Variants in PLA2G5 observed in about 807,000 individuals in gnomAD.
PLA2G5 encodes phospholipase A2 group V.
PLA2G5 carries 12 observed loss-of-function variants against 15.9 expected under a neutral mutation model. The observed-to-expected ratio is 0.76, with a 90% CI of 0.48 to 1.23. PLA2G5 has a LOEUF of 1.23. PLA2G5 is among the 50% of genes most tolerant of loss of function. The pLI, the probability that PLA2G5 is intolerant of heterozygous loss-of-function variation, is 0.00. For synonymous variants in PLA2G5, 71 were observed against 71.4 expected, an observed-to-expected ratio of 0.99 and a Z score of 0.03; for missense variants, 169 against 177.1, an observed-to-expected ratio of 0.95 and a Z score of 0.26.
At chr1:20,056,593 T>G (rs992506473) in intron 1 of PLA2G5, among the ~76,000 whole-genome samples, 2 of 152,194 alleles carry the variant, frequency 1.3e-5, no homozygotes, top group African/African-American at 2.4e-5. Flanking sequence ...TAATTCTTTT[T>G]GGGCATTATT....
intron 1 of PLA2G5, among the ~76,000 whole-genome samples, chr1:20,084,012 T>C (rs1335604182): frequency 1.3e-5 from 2 of 151,930 alleles, no homozygotes. Flanking sequence ...ATAATGAATA[T>C]ATAATAATAA....
chr1:20,033,312 G>T (rs943010318), intron 1 of PLA2G5, among the ~76,000 whole-genome samples: 1 of 152,214 alleles, frequency 6.6e-6, no homozygotes, highest in Non-Finnish European at 1.5e-5. Flanking sequence ...GGAAGTGGGA[G>T]GAGAGGGAGT....
chr1:20,081,323 T>C (rs940983776), intron 1 of PLA2G5, among the ~76,000 whole-genome samples: 1 of 151,778 alleles, frequency 6.6e-6, no homozygotes, highest in Non-Finnish European at 1.5e-5. Flanking sequence ...ACCTCCACCA[T>C]GAAACTGCTT....
intron 3 of PLA2G5, among the ~76,000 whole-genome samples, chr1:20,087,616 A>C (rs2016359857): frequency 6.6e-6 from 1 of 152,134 alleles, no homozygotes; most frequent in African/African-American, 2.4e-5. Flanking sequence ...TCTCAGTAGC[A>C]ACAAGCACAC....
chr1:20,040,472 G>T (rs1217659451), intron 1 of PLA2G5, among the ~76,000 whole-genome samples: 3 of 151,912 alleles, frequency 2.0e-5, no homozygotes, highest in Non-Finnish European at 4.4e-5. Context: ...GAGATGTCAT[G>T]GTTCTTTTCT....
At chr1:20,063,194 A>G (rs540403863) in intron 2 of PLA2G5, among the ~76,000 whole-genome samples, 1 of 152,230 alleles carries the variant, frequency 6.6e-6, no homozygotes, top group East Asian at 1.9e-4. Context: ...CCACCTCCCT[A>G]AAAAAATAAA....
At chr1:20,089,143 C>G (rs1009459745) in intron 3 of PLA2G5, among the ~76,000 whole-genome samples, 1 of 152,150 alleles carries the variant, frequency 6.6e-6, no homozygotes, top group African/African-American at 2.4e-5. Context: ...TTTATCGTAG[C>G]TGATGCAACG....
chr1:20,054,844 G>C (rs1181237183), intron 1 of PLA2G5: 1 of 152,148 alleles, frequency 6.6e-6, no homozygotes, highest in African/African-American at 2.4e-5. Flanking sequence ...CAAAAGGTAA[G>C]TGCATACGTA....
chr1:20,044,472 C>T (rs1252576196), intron 1 of PLA2G5, among the ~76,000 whole-genome samples: 1 of 152,136 alleles, frequency 6.6e-6, no homozygotes. Flanking sequence ...GCCTTCTGGT[C>T]CCTCTGGGTC....
intron 2 of PLA2G5, among the ~76,000 whole-genome samples, chr1:20,064,391 T>C (rs2014905472): frequency 6.6e-6 from 1 of 151,674 alleles, no homozygotes; most frequent in African/African-American, 2.4e-5. Flanking sequence ...CTGACCAACA[T>C]GGTGAAATCC....
intron 1 of PLA2G5, among the ~76,000 whole-genome samples, chr1:20,081,996 G>C (rs2016055170): frequency 6.6e-6 from 1 of 151,748 alleles, no homozygotes; most frequent in African/African-American, 2.4e-5. Context: ...AGGTTGCAGT[G>C]AGCCGAGATG....
intron 1 of PLA2G5, chr1:20,076,762 A>T (rs751690079): frequency 6.6e-6 from 1 of 152,282 alleles, no homozygotes; most frequent in Non-Finnish European, 1.5e-5. Flanking sequence ...CTCCAACAGG[A>T]AATGCCAGAG....
intron 1 of PLA2G5, among the ~76,000 whole-genome samples, chr1:20,055,629 G>A (rs947103261): frequency 6.6e-6 from 1 of 152,164 alleles, no homozygotes; most frequent in African/African-American, 2.4e-5. Context: ...ATTGGAGACA[G>A]TTTCTCAGAT....
chr1:20,041,862 C>A (rs544837964), intron 1 of PLA2G5, among the ~76,000 whole-genome samples: 1 of 152,136 alleles, frequency 6.6e-6, no homozygotes, highest in Non-Finnish European at 1.5e-5. Context: ...GAAGTTGGAA[C>A]GCTAGGTGCT....
chr1:20,091,861 T>C lies in PLA2G5; in HGVS notation c.*1169T>C, dbSNP rs562721754. 6.6e-6 allele frequency among the ~76,000 whole-genome samples: 1 copy of C among 152,356 alleles called. No individual in the cohort carries two copies. Among genetic ancestry groups the C allele is most frequent in the East Asian group, 1.9e-4 (1 of 5,188 alleles). On this transcript the variant is annotated 3_prime_UTR_variant, in exon 5 of 5. Coordinates refer to ENST00000375108, the MANE Select transcript of PLA2G5 (RefSeq NM_000929.3). ...AAATAGGTCTATATTTAAAAAGCTC[T>C]AGTGTCGAATGTTTTCAAAATAAAA...
chr1:20,035,980 C>A (rs994676917), intron 1 of PLA2G5, among the ~76,000 whole-genome samples: 1 of 152,056 alleles, frequency 6.6e-6, no homozygotes, highest in African/African-American at 2.4e-5. Context: ...AGGACTTTAT[C>A]TTTCTTTCAT....
At chr1:20,040,283 G>A (rs561484524) in intron 1 of PLA2G5, among the ~76,000 whole-genome samples, 1 of 152,240 alleles carries the variant, frequency 6.6e-6, no homozygotes, top group Admixed American at 6.5e-5. Context: ...ACAGATAGTT[G>A]TTCAAGATGA....
At chr1:20,072,747 G>A (rs903131149) in intron 1 of PLA2G5, among the ~76,000 whole-genome samples, 6 of 152,132 alleles carry the variant, frequency 3.9e-5, no homozygotes, top group Non-Finnish European at 7.4e-5. Flanking sequence ...GAACTCTGCT[G>A]GGGAGCTATC....
chr1:20,056,764 C>T (rs867481964), intron 1 of PLA2G5, among the ~76,000 whole-genome samples: 2 of 152,138 alleles, frequency 1.3e-5, no homozygotes, highest in South Asian at 4.1e-4. Context: ...CTGCTTCTAC[C>T]TTCTGGAAGA....
Sources: gnomAD v4.1 joint callset for allele counts (sites outside exome capture counted in the v4.1 genomes callset) on GRCh38, gnomAD v4.1.1 for gene constraint, MANE v1.5 for transcripts, NCBI Gene and HGNC (gene_info 2026-07-23, HGNC 2026-07-21) for gene names.